Variants in FOXP2 observed in about 807,000 individuals in gnomAD.
The protein encoded by FOXP2 is forkhead box P2, also known as forkhead box protein P2.
FOXP2 carries 12 observed loss-of-function variants against 115.8 expected under a neutral mutation model. That is an observed-to-expected ratio of 0.10 (90% CI 0.07 to 0.17). The LOEUF (loss-of-function observed/expected upper bound fraction) is 0.17. FOXP2 is among the 10% of genes least tolerant of loss of function. The probability of loss-of-function intolerance (pLI) is 1.00; values close to 1 mark genes in which losing one functional copy is unlikely to be tolerated. For synonymous variants in FOXP2, 328 were observed against 297.7 expected (o/e 1.10, Z -1.05); for missense variants, 629 against 843.5 (o/e 0.75, Z 3.15).
intron 3 of FOXP2, among the ~76,000 whole-genome samples, chr7:114,538,610 A>C (rs979868275): frequency 6.6e-6 from 1 of 151,750 alleles, no homozygotes; most frequent in Non-Finnish European, 1.5e-5. Flanking sequence ...TAGTTATATA[A>C]GTCTGAGGAA....
rs190908314 is a variant in FOXP2 at position 114,267,886 on chromosome 7, C to T, written c.-101-20133C>T. 4.2e-3 allele frequency among the ~76,000 whole-genome samples: 638 copies of T among 151,750 alleles called. 6 individuals are homozygous for T. Among genetic ancestry groups the T allele is most frequent in the African/African-American group, 0.015 (620 of 41,394 alleles). ...TCAGACTGTCATGCAACTGTCACAA[C>T]CATGTATCTCCAGAAATTTTTTTAT... On this transcript the variant is annotated intron_variant, in intron 1 of 17. Transcript: ENST00000634411.
chr7:114,581,781 C>T (rs1180749923), intron 3 of FOXP2, among the ~76,000 whole-genome samples: 2 of 152,166 alleles, frequency 1.3e-5, no homozygotes, highest in African/African-American at 2.4e-5. Flanking sequence ...CCTTCTTCCC[C>T]CTAGTCCCTG....
intron 1 of FOXP2, among the ~76,000 whole-genome samples, chr7:114,240,562 T>C (rs1335151809): frequency 6.6e-6 from 1 of 152,072 alleles, no homozygotes; most frequent in Non-Finnish European, 1.5e-5. Context: ...ATTGTGTGCA[T>C]CATGATGTGA....
At chr7:114,119,260 T>G (rs550290206) in intron 1 of FOXP2, among the ~76,000 whole-genome samples, 2 of 152,270 alleles carry the variant, frequency 1.3e-5, no homozygotes, top group East Asian at 1.9e-4. Context: ...ATTGAAGAGC[T>G]TCTACTGCTC....
At chr7:114,321,418 T>G (rs1293592368) in intron 2 of FOXP2, among the ~76,000 whole-genome samples, 1 of 151,980 alleles carries the variant, frequency 6.6e-6, no homozygotes, top group Non-Finnish European at 1.5e-5. Context: ...CAGGATGGTC[T>G]TTTTCTCCTG....
chr7:114,458,543 T>C (rs1795420236), intron 2 of FOXP2, among the ~76,000 whole-genome samples: 1 of 130,814 alleles, frequency 7.6e-6, no homozygotes, highest in African/African-American at 2.9e-5. Flanking sequence ...GATATTTTCT[T>C]TTCTTTTTTT....
chr7:114,499,739 A>T lies in FOXP2; in HGVS notation c.169-34878A>T, dbSNP rs76132347. ...AAAAACACATTTAACTTACCTTCTT[A>T]TTTGTGCGATGTAATGGTCATTTTA... is the stretch of plus-strand genomic sequence containing the variant. On this transcript the variant is annotated intron_variant, in intron 2 of 16. Transcript: ENST00000350908. The T allele has an allele frequency of 7.2e-5, 11 of 152,122 alleles. No homozygotes were observed. The East Asian group carries it at 2.1e-3, about 29-fold the overall frequency. The allele number at this position is 152,122 out of a possible 1,614,324, so 9.4% of individuals were successfully genotyped here.
At chr7:114,218,590 C>T (rs570993744) in intron 1 of FOXP2, among the ~76,000 whole-genome samples, 44 of 152,068 alleles carry the variant, frequency 2.9e-4, no homozygotes, top group African/African-American at 1.0e-3. Context: ...TTCTTTATTT[C>T]TAGACATAAT....
Position 114,509,994 on chromosome 7 carries a change from A to G in FOXP2, c.169-24623A>G, listed in dbSNP as rs529355332. ...GAAAACATGGTCAGAAAGCTGAGAA[A>G]TAGCAGCCAGTGTACACAGTGATAA... On this transcript the variant is annotated intron_variant, in intron 2 of 16. Coordinates refer to ENST00000350908, the MANE Select transcript of FOXP2 (RefSeq NM_014491.4). 5.6e-4 allele frequency among the ~76,000 whole-genome samples: 86 copies of G among 152,254 alleles called. 1 individual carries two copies. The Middle Eastern group carries it at 0.01, about 18-fold the overall frequency.
chr7:114,428,160 A>G (rs1793948280), intron 2 of FOXP2, among the ~76,000 whole-genome samples: 1 of 151,622 alleles, frequency 6.6e-6, no homozygotes, highest in Admixed American at 6.6e-5. Flanking sequence ...TTTGCCTGCA[A>G]ATCCAGTGGA....
chr7:114,148,137 G>C (rs544383159), intron 1 of FOXP2, among the ~76,000 whole-genome samples: 1 of 152,168 alleles, frequency 6.6e-6, no homozygotes, highest in Non-Finnish European at 1.5e-5. Flanking sequence ...AAGCCCCACC[G>C]ATGTAGATCT....
At chr7:114,283,305 C>T (rs1335771158) in intron 1 of FOXP2, among the ~76,000 whole-genome samples, 4 of 152,138 alleles carry the variant, frequency 2.6e-5, no homozygotes, top group Non-Finnish European at 4.4e-5. Flanking sequence ...TATAATTTTT[C>T]TGTTGAACAT....
intron 1 of FOXP2, among the ~76,000 whole-genome samples, chr7:114,424,475 C>T (rs1160496293): frequency 6.6e-6 from 1 of 151,324 alleles, no homozygotes; most frequent in Non-Finnish European, 1.5e-5. Context: ...AAAAGTTATG[C>T]CTATCTGTTT....
intron 1 of FOXP2, among the ~76,000 whole-genome samples, chr7:114,198,487 G>C (rs1006062236): frequency 1.3e-5 from 2 of 152,152 alleles, no homozygotes; most frequent in Admixed American, 6.5e-5. Flanking sequence ...GAGATCATCA[G>C]GCATTAATTA....
intron 2 of FOXP2, among the ~76,000 whole-genome samples, chr7:114,496,128 G>GA (rs552779625): frequency 1.3e-4 from 20 of 151,566 alleles, no homozygotes; most frequent in African/African-American, 4.1e-4. Flanking sequence ...TTACTTTTTA[G>GA]AAAAAAAATC....
rs76687036 is a variant in FOXP2, at chr7:114,206,772, C to A, written c.-102+43684C>A. Among the ~76,000 whole-genome samples, 724 of 152,184 alleles carry A rather than the reference C, an allele frequency of 4.8e-3. 9 individuals are homozygous for A. Among genetic ancestry groups the A allele is most frequent in the African/African-American group, 0.016 (651 of 41,516 alleles). On this transcript the variant is annotated intron_variant, in intron 1 of 17. Coordinates refer to the FOXP2 transcript ENST00000634411. Reference sequence around the variant, plus strand: ...TTTTGAGCTATCTTACATGACCTACCTGTTTGACTTATTTTTAATATTACA... The same window carrying A: ...TTTTGAGCTATCTTACATGACCTACATGTTTGACTTATTTTTAATATTACA...
chr7:114,617,257 C>T (rs906333982), intron 3 of FOXP2, among the ~76,000 whole-genome samples: 2 of 152,120 alleles, frequency 1.3e-5, no homozygotes, highest in African/African-American at 4.8e-5. Flanking sequence ...TTTTCAGATG[C>T]CTTTGAATCT....
At chr7:114,545,890 C>A (rs953974473) in intron 3 of FOXP2, among the ~76,000 whole-genome samples, 22 of 152,184 alleles carry the variant, frequency 1.4e-4, no homozygotes, top group African/African-American at 4.8e-4. Context: ...CCAGCACACA[C>A]ACACTATGTG....
chr7:114,681,858 T>C (rs752578345), intron 16 of FOXP2, among the ~76,000 whole-genome samples: 7 of 152,198 alleles, frequency 4.6e-5, no homozygotes, highest in African/African-American at 7.2e-5. Flanking sequence ...TCATGACTTT[T>C]TTGATACAGT....
Sources: gnomAD v4.1 joint callset for allele counts (sites outside exome capture counted in the v4.1 genomes callset) on GRCh38, gnomAD v4.1.1 for gene constraint, MANE v1.5 for transcripts, NCBI Gene and HGNC (gene_info 2026-07-23, HGNC 2026-07-21) for gene names.